Variants in BICD1 observed in about 807,000 individuals in gnomAD.
BICD1 encodes the protein protein bicaudal D homolog 1.
In BICD1, 35 loss-of-function variants were observed where a neutral mutation model predicts 92.5. That is an observed-to-expected ratio of 0.38 (90% confidence interval 0.29 to 0.50). The LOEUF (loss-of-function observed/expected upper bound fraction) is 0.50. Among genes scored for constraint, BICD1 ranks in the 20% least tolerant of loss-of-function variants. The probability of loss-of-function intolerance (pLI) is 0.93; values close to 1 mark genes in which losing one functional copy is unlikely to be tolerated. For missense variants in BICD1, 950 were observed against 1,189.8 expected (o/e 0.80, Z 2.97); for synonymous variants, 429 against 465.1 (o/e 0.92, Z 1.00).
Position 32,165,511 on chromosome 12 carries a change from G to A in BICD1, c.214-50736G>A, listed in dbSNP as rs140749409. ...AGCCTGGGCGACAGAGCGAGACTCC[G>A]TCACAAAACAAAACAAAACAAAAAT... is the stretch of plus-strand genomic sequence containing the variant. On this transcript the variant is annotated intron_variant, in intron 1 of 9. Coordinates refer to ENST00000652176, the MANE Select transcript of BICD1 (RefSeq NM_001714.4). Among the ~76,000 whole-genome samples, 640 of 151,218 alleles carry A rather than the reference G, an allele frequency of 4.2e-3. 3 individuals carry two copies. Among genetic ancestry groups the A allele is most frequent in the African/African-American group, 0.015 (606 of 40,796 alleles).
intron 1 of BICD1, among the ~76,000 whole-genome samples, chr12:32,206,862 T>C (rs1278640534): frequency 6.6e-6 from 1 of 152,198 alleles, no homozygotes; most frequent in Non-Finnish European, 1.5e-5. Flanking sequence ...TGCAGCTACA[T>C]TAATCAGAAT....
At chr12:32,179,515 C>T (rs1013598152) in intron 1 of BICD1, among the ~76,000 whole-genome samples, 19 of 151,710 alleles carry the variant, frequency 1.3e-4, no homozygotes, top group South Asian at 2.1e-4. Context: ...TTGTGCTAGC[C>T]GGTGCTTAAA....
At chr12:32,140,368 T>C (rs1003668075) in intron 1 of BICD1, among the ~76,000 whole-genome samples, 16 of 152,260 alleles carry the variant, frequency 1.1e-4, no homozygotes, top group African/African-American at 3.6e-4. Flanking sequence ...TGGCTTCCTT[T>C]GCTCTGGCAA....
Position 32,107,405 on chromosome 12 carries a change from C to G in BICD1, c.74C>G (p.Thr25Arg), listed in dbSNP as rs565110613. Residue 25 changes from threonine to arginine, a missense_variant, in exon 1 of 10, where the codon ACG (threonine) becomes AGG (arginine). Thr to Arg is a moderately conservative substitution (Grantham distance 71). This residue lies in a region of BICD1 where 202 missense variants were observed against 205.3 expected (regional missense o/e 0.98). Transcript: ENST00000652176. Reference sequence around the variant, plus strand: ...ATAGAGAGGCTAACCAAGGAGCTCACGGAGACCACCCACGAGAAGATCCAG... The same window carrying G: ...ATAGAGAGGCTAACCAAGGAGCTCAGGGAGACCACCCACGAGAAGATCCAG... ...TEIERLTKEL[T>R]ETTHEKIQAA... The G allele has an allele frequency of 5.0e-6, 8 of 1,612,000 alleles. No homozygotes were observed. In the South Asian group the frequency reaches 8.9e-5, roughly 18 times the overall value.
At chr12:32,325,271 C>T (rs1948749245) in intron 4 of BICD1, among the ~76,000 whole-genome samples, 2 of 152,132 alleles carry the variant, frequency 1.3e-5, no homozygotes, top group African/African-American at 4.8e-5. Context: ...AAGGCAACTA[C>T]ATCCTTAGCT....
intron 1 of BICD1, among the ~76,000 whole-genome samples, chr12:32,197,313 G>T (rs928846234): frequency 1.3e-5 from 2 of 151,972 alleles, no homozygotes; most frequent in African/African-American, 2.4e-5. Context: ...CTGGCCTCAA[G>T]ATTTTACTTA....
chr12:32,277,317 CG>C (rs1167421645), intron 2 of BICD1, among the ~76,000 whole-genome samples: 5 of 152,080 alleles, frequency 3.3e-5, no homozygotes, highest in Admixed American at 6.5e-5. Context: ...TTGCTTGAAC[CG>C]GGGAGGTGGG....
At chr12:32,160,068 G>GATGACGC (rs1943556769) in intron 1 of BICD1, among the ~76,000 whole-genome samples, 1 of 117,984 alleles carries the variant, frequency 8.5e-6, no homozygotes, top group Non-Finnish European at 2.1e-5. Context: ...TGTGCCCTTA[G>GATGACGC]ATGACGCATA....
chr12:32,119,826 G>A (rs540275011), intron 1 of BICD1, among the ~76,000 whole-genome samples: 1 of 152,260 alleles, frequency 6.6e-6, no homozygotes, highest in South Asian at 2.1e-4. Flanking sequence ...AGCTGAGATC[G>A]TGACACTTCA....
chr12:32,255,296 G>A (rs921385507), intron 2 of BICD1, among the ~76,000 whole-genome samples: 2 of 151,956 alleles, frequency 1.3e-5, no homozygotes, highest in Non-Finnish European at 2.9e-5. Flanking sequence ...ATTCCCAAAG[G>A]CCCTATCTCC....
chr12:32,192,936 T>C (rs145739270), intron 1 of BICD1, among the ~76,000 whole-genome samples: 1 of 152,222 alleles, frequency 6.6e-6, no homozygotes, highest in Non-Finnish European at 1.5e-5. Context: ...ACTTGTTTCT[T>C]ATGGATGAAC....
chr12:32,367,111 C>T (rs1481766080), intron 8 of BICD1, among the ~76,000 whole-genome samples: 1 of 152,138 alleles, frequency 6.6e-6, no homozygotes, highest in Non-Finnish European at 1.5e-5. Context: ...ATTCTATTGT[C>T]AATATATAAA....
chr12:32,171,373 T>C (rs948448055), intron 1 of BICD1, among the ~76,000 whole-genome samples: 1 of 152,180 alleles, frequency 6.6e-6, no homozygotes, highest in African/African-American at 2.4e-5. Flanking sequence ...AGCTTTGCTG[T>C]TGTTTTAAAA....
intron 4 of BICD1, among the ~76,000 whole-genome samples, chr12:32,321,617 A>G (rs879818338): frequency 6.6e-6 from 1 of 152,218 alleles, no homozygotes; most frequent in African/African-American, 2.4e-5. Flanking sequence ...ATTCTTTACA[A>G]ATGGAAATTA....
At position 32,328,088 on chromosome 12, in the gene BICD1, C is replaced by A; in HGVS notation, c.1633C>A (p.Arg545Ser). 1.2e-6 allele frequency: 2 copies of A among 1,614,098 alleles called. No individual in the cohort carries two copies. Among genetic ancestry groups the A allele is most frequent in the Non-Finnish European group, 1.7e-6 (2 of 1,180,020 alleles). ...LDYYRQSRVT[R>S]SGSLKGPDDP... ...TTACTATAGGCAGAGCAGAGTCACC[C>A]GCAGTGGCAGCCTGAAAGGGCCCGA... The change falls in exon 5 of 10, where the codon CGC becomes AGC. Residue 545 changes from arginine (R) to serine (S), a missense_variant. Transcript: ENST00000652176. This position sits in a 1 kb window ranked among gnomAD's most constrained non-coding sequence, Gnocchi z 4.4.
intron 1 of BICD1, among the ~76,000 whole-genome samples, chr12:32,159,169 T>C (rs1223660440): frequency 6.6e-6 from 1 of 152,062 alleles, no homozygotes; most frequent in African/African-American, 2.4e-5. Flanking sequence ...TCTGACCTCA[T>C]GTGATCCACC....
chr12:32,292,105 C>T (rs1222476120), intron 2 of BICD1, among the ~76,000 whole-genome samples: 2 of 152,342 alleles, frequency 1.3e-5, no homozygotes, highest in East Asian at 3.9e-4. Context: ...AATTTATCGT[C>T]TCACAGTTCT....
In BICD1 at chr12:32,258,795, T is replaced by C. The variant is rs181561304; in HGVS notation, c.427-35199T>C. ...ACTTTAAGACTTTCACTATTTCTTCTACCACTATCTTCTAACAACTTCAAA... is the reference window on the plus strand; with the variant it reads ...ACTTTAAGACTTTCACTATTTCTTCCACCACTATCTTCTAACAACTTCAAA... On this transcript the variant is annotated intron_variant, in intron 2 of 9. Transcript: ENST00000652176. 4.6e-5 allele frequency among the ~76,000 whole-genome samples: 7 copies of C among 152,354 alleles called. No individual in the cohort carries two copies. The East Asian group carries it at 1.3e-3, about 29-fold the overall frequency.
chr12:32,254,267 G>T (rs1315082762), intron 2 of BICD1, among the ~76,000 whole-genome samples: 1 of 141,030 alleles, frequency 7.1e-6, no homozygotes, highest in Admixed American at 7.2e-5. Flanking sequence ...ATTCACTGCC[G>T]TATCCCACCT....
Sources: gnomAD v4.1 joint callset for allele counts (sites outside exome capture counted in the v4.1 genomes callset) on GRCh38, gnomAD v4.1.1 for gene constraint, gnomAD v4.1.1 regional missense constraint, Gnocchi (gnomAD v3.1) non-coding constraint, MANE v1.5 for transcripts, NCBI Gene and HGNC (gene_info 2026-07-23, HGNC 2026-07-21) for gene names.